POU2F1: variants seen among roughly 807,000 people sequenced by gnomAD.
The protein encoded by POU2F1 is POU class 2 homeobox 1.
A neutral mutation model predicts 84.9 loss-of-function variants in POU2F1; 16 were observed. That is an observed-to-expected ratio of 0.19 (90% CI 0.13 to 0.29). POU2F1 has a LOEUF of 0.29. POU2F1 is among the 10% of genes least tolerant of loss of function. The pLI, the probability that POU2F1 is intolerant of heterozygous loss-of-function variation, is 1.00. For synonymous variants in POU2F1, 368 were observed against 368.3 expected (o/e 1.00, Z 0.01); for missense variants, 738 against 942.6 (o/e 0.78, Z 2.84).
At chr1:167,364,803 A>G (rs1305809351) in intron 2 of POU2F1, among the ~76,000 whole-genome samples, 1 of 151,918 alleles carries the variant, frequency 6.6e-6, no homozygotes. Flanking sequence ...TCATGAGCTC[A>G]AGCCATCTAC....
chr1:167,382,963 T>G (rs1201277763), intron 7 of POU2F1, among the ~76,000 whole-genome samples: 1 of 152,152 alleles, frequency 6.6e-6, no homozygotes, highest in Non-Finnish European at 1.5e-5. Flanking sequence ...ATTTAATATA[T>G]CCAAATTTAG....
At chr1:167,359,062 A>G (rs866602118) in intron 2 of POU2F1, among the ~76,000 whole-genome samples, 7 of 144,386 alleles carry the variant, frequency 4.8e-5, no homozygotes, top group Middle Eastern at 3.8e-3. Context: ...CTTTCCCTCT[A>G]TTTTCTTTGG....
chr1:167,374,767 T>G (rs1431385161), intron 6 of POU2F1, among the ~76,000 whole-genome samples: 1 of 152,190 alleles, frequency 6.6e-6, no homozygotes, highest in Non-Finnish European at 1.5e-5. Flanking sequence ...CTAGAGATAA[T>G]AAAAATTTAT....
At chr1:167,273,808 C>T (rs1387568591) in intron 1 of POU2F1, among the ~76,000 whole-genome samples, 1 of 152,182 alleles carries the variant, frequency 6.6e-6, no homozygotes, top group Non-Finnish European at 1.5e-5. Context: ...TCTTTCCCCT[C>T]TCATCAGCTT....
intron 1 of POU2F1, among the ~76,000 whole-genome samples, chr1:167,222,834 A>G (rs1198424660): frequency 6.6e-6 from 1 of 152,210 alleles, no homozygotes; most frequent in East Asian, 1.9e-4. Flanking sequence ...TTCAGAGCCT[A>G]TGAAATCTAT....
chr1:167,413,682 G>A (rs1056771672), intron 15 of POU2F1, among the ~76,000 whole-genome samples: 4 of 152,086 alleles, frequency 2.6e-5, no homozygotes, highest in Non-Finnish European at 4.4e-5. Flanking sequence ...TCTTTTCCAA[G>A]CTCAGCTGGG....
In POU2F1 at chr1:167,401,539, C is replaced by G; in HGVS notation, c.1538C>G (p.Thr513Arg). The stretch of plus-strand genomic sequence containing the variant: ...CTCCCTCTGACCAGTGCTGCTGTGA[C>G]GAATCTTTCAGTTACAGGTAAGCAG... ...PVLPLTSAAVTNLSVTGTSDT... is the reference protein window; with the variant it reads ...PVLPLTSAAVRNLSVTGTSDT... The change falls in exon 13 of 16, where the codon ACG becomes AGG. Residue 513 changes from threonine (T) to arginine (R), a missense_variant. Thr to Arg is a moderately conservative substitution (Grantham distance 71, BLOSUM62 -1). This residue lies in a region of POU2F1 where 319 missense variants were observed against 386.0 expected (regional missense o/e 0.83). Coordinates refer to ENST00000367866, the MANE Select transcript of POU2F1 (RefSeq NM_002697.4). The G allele has an allele frequency of 6.2e-7, 1 of 1,606,056 alleles. No individual in the cohort carries two copies. The highest frequency in any genetic ancestry group is 1.1e-5 in the South Asian group (1 of 89,360).
chr1:167,361,026 G>A (rs576548299), intron 2 of POU2F1, among the ~76,000 whole-genome samples: 6 of 151,928 alleles, frequency 3.9e-5, no homozygotes, highest in African/African-American at 1.2e-4. Context: ...CAACTTGAAC[G>A]TTATTCATGT....
chr1:167,415,743 C>G lies in POU2F1; in HGVS notation c.2234C>G (p.Ser745Cys), dbSNP rs753610320. 1 of 1,614,152 alleles carries G rather than the reference C, an allele frequency of 6.2e-7. No homozygotes were observed. The highest frequency in any genetic ancestry group is 1.1e-5 in the South Asian group (1 of 91,090). ...ACCTCTGCTGAGTCCATCCAGAACT[C>G]TCTCTTCACAGTGGCCTCTGCCAGC... ...TSTSAESIQNSLFTVASASGA... is the reference protein window; with the variant it reads ...TSTSAESIQNCLFTVASASGA... Residue 745 changes from serine (S) to cysteine (C), a missense_variant, in exon 16 of 16, where the codon TCT becomes TGT. Physicochemically the swap from Ser to Cys is moderately radical, Grantham distance 112. Transcript: ENST00000367866.
intron 1 of POU2F1, among the ~76,000 whole-genome samples, chr1:167,229,694 A>G (rs905884580): frequency 5.3e-5 from 8 of 152,204 alleles, no homozygotes; most frequent in African/African-American, 1.7e-4. Flanking sequence ...GCACAGGAGT[A>G]AAATCAGGAA....
chr1:167,313,716 A>G (rs1655660186), intron 1 of POU2F1, among the ~76,000 whole-genome samples: 1 of 152,218 alleles, frequency 6.6e-6, no homozygotes, highest in Admixed American at 6.5e-5. Context: ...CAAACATACA[A>G]TCCATAAAAA....
chr1:167,293,036 C>T (rs1469136577), intron 1 of POU2F1, among the ~76,000 whole-genome samples: 1 of 152,130 alleles, frequency 6.6e-6, no homozygotes, highest in Non-Finnish European at 1.5e-5. Context: ...TCTGACAAAC[C>T]CACAGCAAAC....
At chr1:167,282,147 A>T (rs999285635) in intron 1 of POU2F1, among the ~76,000 whole-genome samples, 4 of 143,366 alleles carry the variant, frequency 2.8e-5, no homozygotes, top group South Asian at 4.4e-4. Flanking sequence ...TTTTTTTCTT[A>T]TTTTTTTTTT....
At chr1:167,365,991 A>G (rs1316678162) in intron 3 of POU2F1, among the ~76,000 whole-genome samples, 2 of 152,166 alleles carry the variant, frequency 1.3e-5, no homozygotes, top group African/African-American at 4.8e-5. Flanking sequence ...GATTTGGGCA[A>G]CTACTCAGAG....
chr1:167,258,611 A>G (rs565624431), intron 1 of POU2F1, among the ~76,000 whole-genome samples: 2 of 152,234 alleles, frequency 1.3e-5, no homozygotes, highest in Non-Finnish European at 2.9e-5. Context: ...GCTGTTAATC[A>G]GAGGTTGGCA....
intron 3 of POU2F1, among the ~76,000 whole-genome samples, chr1:167,368,641 T>C (rs1358470828): frequency 6.6e-6 from 1 of 152,144 alleles, no homozygotes; most frequent in African/African-American, 2.4e-5. Context: ...GCCTTAAACA[T>C]ATTATCTGTT....
chr1:167,353,104 AT>A (rs1043816192), intron 2 of POU2F1, among the ~76,000 whole-genome samples: 10 of 152,230 alleles, frequency 6.6e-5, no homozygotes, highest in African/African-American at 2.4e-4. Flanking sequence ...CTTGAACTTA[AT>A]ATAAATCCAA....
chr1:167,343,941 G>A (rs1463361781), intron 2 of POU2F1, among the ~76,000 whole-genome samples: 2 of 151,936 alleles, frequency 1.3e-5, no homozygotes, highest in Non-Finnish European at 2.9e-5. Context: ...AAATGCTACG[G>A]GGAGGAGAGT....
rs1370301062 is a variant in POU2F1, at chr1:167,419,600, A to C, written c.*3790A>C. Reference sequence around the variant, plus strand: ...GGCTTCTCACAGGAACAATATTACTATGTTGTTCTAAGAAAAAATAAGTTG... The same window carrying C: ...GGCTTCTCACAGGAACAATATTACTCTGTTGTTCTAAGAAAAAATAAGTTG... On this transcript the variant is annotated 3_prime_UTR_variant, in exon 16 of 16. Transcript: ENST00000367866. 6.6e-6 allele frequency: 1 copy of C among 152,254 alleles called. No homozygotes were observed. The highest frequency in any genetic ancestry group is 1.5e-5 in the Non-Finnish European group (1 of 68,048). 9.4% of individuals were successfully genotyped at this position (152,254 alleles called of 1,614,324 possible).
Sources: gnomAD v4.1 joint callset for allele counts (sites outside exome capture counted in the v4.1 genomes callset) on GRCh38, gnomAD v4.1.1 for gene constraint, gnomAD v4.1.1 regional missense constraint, MANE v1.5 for transcripts, NCBI Gene and HGNC (gene_info 2026-07-23, HGNC 2026-07-21) for gene names.